ME3: variants seen among roughly 807,000 people sequenced by gnomAD.
The protein encoded by ME3 is malic enzyme 3, also known as NADP-dependent malic enzyme, mitochondrial.
In ME3, 48 loss-of-function variants were observed where a neutral mutation model predicts 68.9. The observed-to-expected ratio is 0.70, with a 90% CI of 0.55 to 0.89. The LOEUF (loss-of-function observed/expected upper bound fraction) is 0.89, where lower values mean the gene tolerates loss of function less well. Ranked by LOEUF, ME3 falls within the 40% of genes least tolerant of loss-of-function variation. The probability of loss-of-function intolerance (pLI) is 0.00; values close to 1 mark genes in which losing one functional copy is unlikely to be tolerated. For missense variants in ME3, 675 were observed against 797.4 expected (o/e 0.85, Z 1.85); for synonymous variants, 320 against 318.8 (o/e 1.00, Z -0.04).
At chr11:86,487,205 G>T in intron 7 of ME3, 132 bp downstream of exon 7, 1 of 720,138 alleles carries the variant, frequency 1.4e-6, no homozygotes. Context: ...GGGTCAAGTT[G>T]GAATTTTCAG....
intron 4 of ME3, among the ~76,000 whole-genome samples, chr11:86,551,680 A>G (rs1432262869): frequency 6.6e-6 from 1 of 152,232 alleles, no homozygotes; most frequent in Non-Finnish European, 1.5e-5. Flanking sequence ...AGGGCCCACC[A>G]TGGGAAGTAC....
chr11:86,609,736 A>G (rs796777496), intron 2 of ME3, among the ~76,000 whole-genome samples: 10 of 152,368 alleles, frequency 6.6e-5, no homozygotes, highest in African/African-American at 2.4e-4. Context: ...AAATTGTAAT[A>G]GCAAAAAATT....
chr11:86,469,509 G>C (rs1950668671), intron 7 of ME3, among the ~76,000 whole-genome samples: 1 of 152,114 alleles, frequency 6.6e-6, no homozygotes, highest in African/African-American at 2.4e-5. Flanking sequence ...CAGGGCTCTG[G>C]GCAGCTTCCC....
At chr11:86,521,403 ACAAACAAAACAAAACAAAAC>A (rs1565893712) in intron 4 of ME3, among the ~76,000 whole-genome samples, 6 of 113,102 alleles carry the variant, frequency 5.3e-5, no homozygotes, top group Non-Finnish European at 9.8e-5. Flanking sequence ...TCAAAAACAA[ACAAACAAAACAAAACAAAAC>A]AAAACAAAAA....
intron 2 of ME3, among the ~76,000 whole-genome samples, chr11:86,632,405 C>T (rs1463849269): frequency 6.6e-6 from 1 of 152,156 alleles, no homozygotes; most frequent in East Asian, 1.9e-4. Flanking sequence ...GACTCGCTTC[C>T]CTGTGCCTGC....
At chr11:86,575,209 T>A (rs1450656745) in intron 2 of ME3, among the ~76,000 whole-genome samples, 2 of 147,330 alleles carry the variant, frequency 1.4e-5, no homozygotes, top group African/African-American at 5.2e-5. Flanking sequence ...ACAAAACCCT[T>A]TGGAAAATGT....
At chr11:86,467,576 C>T (rs1398440459) in intron 7 of ME3, among the ~76,000 whole-genome samples, 1 of 152,074 alleles carries the variant, frequency 6.6e-6, no homozygotes, top group South Asian at 2.1e-4. Flanking sequence ...CACAACTGGC[C>T]TGCAGCTAAA....
At chr11:86,484,244 T>C (rs2138903837) in intron 7 of ME3, among the ~76,000 whole-genome samples, 1 of 152,276 alleles carries the variant, frequency 6.6e-6, no homozygotes, top group Middle Eastern at 3.4e-3. Flanking sequence ...ATGAGGATGT[T>C]GAAAGCAGGA....
chr11:86,498,510 AATAC>A (rs1197467770), intron 5 of ME3, among the ~76,000 whole-genome samples: 2 of 152,156 alleles, frequency 1.3e-5, no homozygotes, highest in African/African-American at 4.8e-5. Context: ...GAAAATAAAA[AATAC>A]GTGTTCGTGC....
intron 8 of ME3, chr11:86,462,446 G>T (rs1950267367): frequency 9.4e-6 from 5 of 531,966 alleles, no homozygotes; most frequent in Non-Finnish European, 1.2e-5. Context: ...GCAGATTTTT[G>T]ACTGTGTGGG....
intron 2 of ME3, among the ~76,000 whole-genome samples, chr11:86,609,925 CA>C (rs1043131353): frequency 1.3e-4 from 20 of 152,288 alleles, no homozygotes; most frequent in African/African-American, 4.8e-4. Context: ...TTACTCAACA[CA>C]TTATGCACCA....
At chr11:86,494,343 C>T (rs1952182187) in intron 6 of ME3, among the ~76,000 whole-genome samples, 1 of 152,192 alleles carries the variant, frequency 6.6e-6, no homozygotes. Flanking sequence ...CCCCTTGGAG[C>T]AGTGCACCAC....
At chr11:86,579,533 G>A (rs11234697) in intron 2 of ME3, among the ~76,000 whole-genome samples, 16,210 of 152,172 alleles carry the variant, frequency 0.11, 1,482 homozygotes, top group African/African-American at 0.24. Flanking sequence ...GAACATCTGA[G>A]GCTCTCACTA....
intron 4 of ME3, among the ~76,000 whole-genome samples, chr11:86,523,524 T>G (rs1303572764): frequency 6.6e-6 from 1 of 152,222 alleles, no homozygotes; most frequent in African/African-American, 2.4e-5. Context: ...TTTTTCTTCC[T>G]GGAATTTGCA....
chr11:86,441,100 C>T (rs540643774), downstream of ME3: 310 of 505,526 alleles, frequency 6.1e-4, no homozygotes, highest in Middle Eastern at 1.7e-3. Flanking sequence ...AAGTGAACTC[C>T]CAGGGCCTTC....
chr11:86,597,496 G>T (rs1457113674), intron 2 of ME3, among the ~76,000 whole-genome samples: 2 of 152,190 alleles, frequency 1.3e-5, no homozygotes, highest in Non-Finnish European at 2.9e-5. Context: ...AGAAACACTA[G>T]AAGTCTTTGG....
rs746833885 is a variant in ME3 at position 86,446,299 on chromosome 11, C to G, written c.1554+15G>C. ...ACCCTACTGCAAGCATTTGAGGGAGCAAGGACAGTGATACCTCTGCTGTCA... is the reference window on the plus strand; with the variant it reads ...ACCCTACTGCAAGCATTTGAGGGAGGAAGGACAGTGATACCTCTGCTGTCA... On this transcript the variant is annotated intron_variant, in intron 13 of 14. Transcript: ENST00000543262. The G allele has an allele frequency of 3.7e-6, 6 of 1,613,162 alleles. No homozygotes were observed. In the African/African-American group the frequency reaches 8.0e-5, roughly 22 times the overall value.
downstream of ME3, among the ~76,000 whole-genome samples, chr11:86,438,221 C>G (rs745315667): frequency 6.6e-6 from 1 of 151,952 alleles, no homozygotes; most frequent in Non-Finnish European, 1.5e-5. Flanking sequence ...TTCTTCGTAT[C>G]TATTGGCATG....
At chr11:86,490,013 A>G (rs1951905295) in intron 6 of ME3, among the ~76,000 whole-genome samples, 1 of 152,168 alleles carries the variant, frequency 6.6e-6, no homozygotes, top group Admixed American at 6.5e-5. Context: ...TTGGGTCCAG[A>G]GTCTGTGGTC....
Sources: gnomAD v4.1 joint callset for allele counts (sites outside exome capture counted in the v4.1 genomes callset) on GRCh38, gnomAD v4.1.1 for gene constraint, MANE v1.5 for transcripts, NCBI Gene and HGNC (gene_info 2026-07-23, HGNC 2026-07-21) for gene names.